GRK3: variants seen among roughly 807,000 people sequenced by gnomAD.
GRK3 encodes the protein G protein-coupled receptor kinase 3.
A neutral mutation model predicts 95.7 loss-of-function variants in GRK3; 54 were observed. The ratio of observed to expected loss-of-function variants is 0.56; its 90% confidence interval spans 0.45 to 0.71. GRK3 has a LOEUF of 0.71. Ranked by LOEUF, GRK3 falls within the 30% of genes least tolerant of loss-of-function variation. GRK3 has a pLI of 0.00. For missense variants in GRK3, 649 were observed against 851.2 expected, an observed-to-expected ratio of 0.76 and a Z score of 2.96; for synonymous variants, 281 against 290.8, an observed-to-expected ratio of 0.97 and a Z score of 0.34.
intron 8 of GRK3, among the ~76,000 whole-genome samples, chr22:25,678,223 G>A (rs992469844): frequency 1.3e-5 from 2 of 152,114 alleles, no homozygotes; most frequent in Non-Finnish European, 2.9e-5. Flanking sequence ...GGGAGGCTGA[G>A]GTGGGCGGAT....
intron 2 of GRK3, among the ~76,000 whole-genome samples, chr22:25,633,783 A>G (rs150186517): frequency 1.8e-3 from 272 of 152,228 alleles, no homozygotes; most frequent in African/African-American, 6.2e-3. Flanking sequence ...TTTGTTTTTC[A>G]TGTTTTATTT....
At chr22:25,684,823 A>C (rs16980559) in intron 9 of GRK3, among the ~76,000 whole-genome samples, 6,153 of 152,278 alleles carry the variant, frequency 0.04, 190 homozygotes, top group African/African-American at 0.083. Context: ...TGACTTTAAA[A>C]ATTACCATAT....
chr22:25,628,133 A>G (rs1371115591), intron 2 of GRK3, among the ~76,000 whole-genome samples: 1 of 152,190 alleles, frequency 6.6e-6, no homozygotes, highest in African/African-American at 2.4e-5. Context: ...GAGAAACACA[A>G]AGGTGCTCTG....
intron 1 of GRK3, among the ~76,000 whole-genome samples, chr22:25,582,537 G>C (rs2146319995): frequency 6.6e-6 from 1 of 152,248 alleles, no homozygotes; most frequent in South Asian, 2.1e-4. Flanking sequence ...TCACAAGCCA[G>C]TGCTCATTCA....
intron 3 of GRK3, among the ~76,000 whole-genome samples, chr22:25,655,865 C>G (rs2084867204): frequency 6.6e-6 from 1 of 152,204 alleles, no homozygotes; most frequent in African/African-American, 2.4e-5. Flanking sequence ...CACAGGCTAA[C>G]TGTGAGTTTC....
intron 2 of GRK3, among the ~76,000 whole-genome samples, chr22:25,610,423 C>T (rs1462604782): frequency 6.6e-6 from 1 of 152,156 alleles, no homozygotes; most frequent in Non-Finnish European, 1.5e-5. Context: ...GTCGTGATCG[C>T]ATCACGGCTG....
intron 2 of GRK3, among the ~76,000 whole-genome samples, chr22:25,628,027 G>A (rs2084639930): frequency 6.6e-6 from 1 of 152,138 alleles, no homozygotes; most frequent in Non-Finnish European, 1.5e-5. Flanking sequence ...GGTAAAACTG[G>A]GCAAAGGTCC....
chr22:25,678,440 T>C (rs1345052492), intron 8 of GRK3, among the ~76,000 whole-genome samples: 2 of 151,892 alleles, frequency 1.3e-5, no homozygotes, highest in Admixed American at 1.3e-4. Flanking sequence ...GGCAACAGAG[T>C]GAGACTCTGT....
chr22:25,620,006 T>TTTTTTGTGTGTG (rs144086816), intron 2 of GRK3, among the ~76,000 whole-genome samples: 1 of 90,320 alleles, frequency 1.1e-5, no homozygotes, highest in Admixed American at 1.2e-4. Flanking sequence ...TTTGTCTTTT[T>TTTTTTGTGTGTG]TGTGTGTGTG....
intron 18 of GRK3, among the ~76,000 whole-genome samples, chr22:25,717,498 G>C (rs1204068904): frequency 6.6e-6 from 1 of 152,122 alleles, no homozygotes; most frequent in Non-Finnish European, 1.5e-5. Flanking sequence ...AGGGGTTTTT[G>C]TCTCTTGTTC....
chr22:25,604,534 C>A, intron 2 of GRK3, 81 bp downstream of exon 2: 1 of 896,212 alleles, frequency 1.1e-6, no homozygotes, highest in Non-Finnish European at 1.7e-6. Flanking sequence ...TGAATGCACC[C>A]CCTAGTGCTT....
At chr22:25,614,543 A>G (rs1457578345) in intron 2 of GRK3, among the ~76,000 whole-genome samples, 3 of 152,200 alleles carry the variant, frequency 2.0e-5, no homozygotes, top group Non-Finnish European at 4.4e-5. Context: ...TAAGACAGTG[A>G]TGCTACCTGT....
chr22:25,578,415 C>T lies in GRK3; in HGVS notation c.113+13262C>T, dbSNP rs1931985365. ...GAACATCAAAAGAATATGACTGATA[C>T]AAACCCCCTGTGGTGGGCAGAATGA... On this transcript the variant is annotated intron_variant, in intron 1 of 20. Transcript: ENST00000324198. Among the ~76,000 whole-genome samples, 3 of 152,178 alleles carry T rather than the reference C, an allele frequency of 2.0e-5. No individual in the cohort carries two copies. In the South Asian group the frequency reaches 6.2e-4, roughly 32 times the overall value.
chr22:25,674,655 G>T (rs772700678), intron 8 of GRK3, 127 bp downstream of exon 8: 59 of 743,546 alleles, frequency 7.9e-5, no homozygotes, highest in Non-Finnish European at 1.2e-4. Context: ...ACCTCCAAAA[G>T]AAATAAGCTG....
intron 6 of GRK3, 72 bp from the exon 7 acceptor site, chr22:25,672,224 C>A: frequency 1.3e-6 from 1 of 779,326 alleles, no homozygotes; most frequent in Non-Finnish European, 2.1e-6. Context: ...TCTAGTCTGT[C>A]TTACGGTGTT....
At chr22:25,622,255 C>A (rs1173809511) in intron 2 of GRK3, among the ~76,000 whole-genome samples, 1 of 152,136 alleles carries the variant, frequency 6.6e-6, no homozygotes, top group East Asian at 1.9e-4. Context: ...TGCAGCTTGT[C>A]GGTGTGCAGC....
rs191234969 is a variant in GRK3 at position 25,716,644 on chromosome 22, G to A, written c.1655-1601G>A. 2.4e-3 allele frequency among the ~76,000 whole-genome samples: 363 copies of A among 151,994 alleles called. 1 individual carries two copies. The highest frequency in any genetic ancestry group is 8.5e-3 in the African/African-American group (351 of 41,440). ...AAAAAAAAAAATTATAATAAAGTTG[G>A]TCCTCCACATCTCAGGTTCTGCATC... On this transcript the variant is annotated intron_variant, in intron 18 of 20. Coordinates refer to ENST00000324198, the MANE Select transcript of GRK3 (RefSeq NM_005160.4).
At chr22:25,627,448 T>G (rs1488349138) in intron 2 of GRK3, among the ~76,000 whole-genome samples, 1 of 152,364 alleles carries the variant, frequency 6.6e-6, no homozygotes, top group East Asian at 1.9e-4. Flanking sequence ...AGTCACACTC[T>G]TTCCTTATCT....
chr22:25,632,146 A>G (rs947486832), intron 2 of GRK3, among the ~76,000 whole-genome samples: 3 of 152,248 alleles, frequency 2.0e-5, no homozygotes, highest in African/African-American at 7.2e-5. Context: ...GAGGCTTTAC[A>G]AATTGCATTC....
Sources: allele counts gnomAD v4.1 joint callset (sites outside exome capture counted in the v4.1 genomes callset), GRCh38; gene constraint gnomAD v4.1.1; transcripts MANE v1.5; gene names NCBI Gene and HGNC (gene_info 2026-07-23, HGNC 2026-07-21).